The following GLDC variants were observed in gnomAD, a reference collection of about 807,000 sequenced individuals.
GLDC encodes the protein glycine decarboxylase.
GLDC carries 104 observed loss-of-function variants against 121.3 expected under a neutral mutation model. That is an observed-to-expected ratio of 0.86 (90% CI 0.73 to 1.01). GLDC has a LOEUF of 1.01. Ranked by LOEUF, GLDC falls within the 50% of genes least tolerant of loss-of-function variation. The pLI is 0.00. For synonymous variants in GLDC, 546 were observed against 480.6 expected, an observed-to-expected ratio of 1.14 and a Z score of -1.78; for missense variants, 1,429 against 1,306.6, an observed-to-expected ratio of 1.09 and a Z score of -1.44.
intron 15 of GLDC, among the ~76,000 whole-genome samples, chr9:6,585,626 CAG>C (rs1818254083): frequency 6.6e-6 from 1 of 152,092 alleles, no homozygotes; most frequent in Non-Finnish European, 1.5e-5. Flanking sequence ...TGTTACAAAA[CAG>C]AAGGTAGGGC....
At chr9:6,598,055 G>A (rs1436318773) in intron 8 of GLDC, among the ~76,000 whole-genome samples, 1 of 152,190 alleles carries the variant, frequency 6.6e-6, no homozygotes, top group East Asian at 1.9e-4. Context: ...TAGAGGTGGG[G>A]TCTGATTCTG....
intron 9 of GLDC, among the ~76,000 whole-genome samples, chr9:6,593,253 G>C (rs1587951385): frequency 6.7e-6 from 1 of 148,224 alleles, no homozygotes; most frequent in East Asian, 1.9e-4. Flanking sequence ...AGAAATGGGG[G>C]AGCAGGTAGT....
At chr9:6,626,700 CTCTCA>C (rs1392556753) in intron 2 of GLDC, among the ~76,000 whole-genome samples, 2 of 152,194 alleles carry the variant, frequency 1.3e-5, no homozygotes, top group Non-Finnish European at 2.9e-5. Flanking sequence ...AAAACCCATT[CTCTCA>C]TACCTCTCCG....
In GLDC at chr9:6,629,943, A is replaced by G. The variant is rs7046697; in HGVS notation, c.335-9624T>C. ...CTTGCTTTTCACTATATATATATAT[A>G]TGTATATATATATATTTTTTTTTTT... On this transcript the variant is annotated intron_variant, in intron 2 of 24. Coordinates refer to ENST00000321612, the MANE Select transcript of GLDC (RefSeq NM_000170.3). Among the ~76,000 whole-genome samples the G allele has an allele frequency of 1.8e-3, 143 of 80,554 alleles. 9 individuals carry two copies. The highest frequency in any genetic ancestry group is 8.3e-3 in the African/African-American group (101 of 12,226). The allele number at this position is 80,554 out of a possible 152,430, so 52.8% of individuals were successfully genotyped here.
At chr9:6,644,540 C>G (rs890685191) in intron 2 of GLDC, 74 bp downstream of exon 2, 2 of 1,029,740 alleles carry the variant, frequency 1.9e-6, no homozygotes, top group South Asian at 2.5e-5. Context: ...CCCCAGAGCT[C>G]GATTTTCAGG....
Position 6,533,077 on chromosome 9 carries a change from G to C in GLDC, c.3003C>G (p.Thr1001=). The C allele has an allele frequency of 6.2e-7, 1 of 1,611,432 alleles. No homozygotes were observed. The highest frequency in any genetic ancestry group is 8.5e-7 in the Non-Finnish European group (1 of 1,177,556). Reference sequence around the variant, plus strand: ...ACTCATAAACTTCCATGGGTGGGCAGGTACAAACCAGGTGCTGATCTCCAT... The same window carrying C: ...ACTCATAAACTTCCATGGGTGGGCACGTACAAACCAGGTGCTGATCTCCAT... ...DIYGDQHLVC[T]CPPMEVYESP... Residue 1001 remains threonine, a synonymous_variant, in exon 25 of 25, where the codon ACC becomes ACG. Transcript: ENST00000321612.
At chr9:6,585,291 A>G (rs59251349) in intron 15 of GLDC, among the ~76,000 whole-genome samples, 1 of 152,330 alleles carries the variant, frequency 6.6e-6, no homozygotes, top group African/African-American at 2.4e-5. Flanking sequence ...ACTCTCCAAT[A>G]TGACAGTGAA....
intron 15 of GLDC, among the ~76,000 whole-genome samples, chr9:6,585,630 A>C (rs1440830179): frequency 6.6e-6 from 1 of 152,164 alleles, no homozygotes; most frequent in Non-Finnish European, 1.5e-5. Context: ...ACAAAACAGA[A>C]GGTAGGGCAT....
chr9:6,564,648 C>A (rs890028535), intron 16 of GLDC, among the ~76,000 whole-genome samples: 1 of 152,230 alleles, frequency 6.6e-6, no homozygotes, highest in Admixed American at 6.5e-5. Context: ...CACTGGCCAT[C>A]AAAATGAAGG....
chr9:6,597,416 C>A (rs926944355), intron 8 of GLDC, among the ~76,000 whole-genome samples: 3 of 152,094 alleles, frequency 2.0e-5, no homozygotes, highest in African/African-American at 7.2e-5. Flanking sequence ...GTAAATTATT[C>A]TTTACTACAC....
chr9:6,557,452 G>C (rs1375331887), intron 17 of GLDC, among the ~76,000 whole-genome samples: 1 of 152,064 alleles, frequency 6.6e-6, no homozygotes, highest in Non-Finnish European at 1.5e-5. Flanking sequence ...AAAGTAGCTG[G>C]GCATGGTGGC....
intron 2 of GLDC, chr9:6,644,398 G>C: frequency 1.6e-6 from 1 of 607,654 alleles, no homozygotes; most frequent in Non-Finnish European, 2.9e-6. Context: ...ACCAAGAACC[G>C]CACAACACCG....
Position 6,592,959 on chromosome 9 carries a change from A to T in GLDC, c.1293T>A (p.His431Gln). 6.2e-7 allele frequency: 1 copy of T among 1,614,162 alleles called. No homozygotes were observed. The highest frequency in any genetic ancestry group is 1.7e-5 in the Admixed American group (1 of 60,030). The change falls in exon 10 of 25, where the codon CAT becomes CAA. Residue 431 changes from histidine (H) to glutamine (Q), a missense_variant. By Grantham distance (24) the His-to-Gln change is conservative. Transcript: ENST00000321612. ...GLKRAGHQLQ[H>Q]DLFFDTLKIQ... ...TCTTCAAGGTATCAAAGAACAGGTC[A>T]TGCTGGAGTTGATGCCCTGCTCGCT...
At chr9:6,620,901 C>T (rs1819078103) in intron 2 of GLDC, among the ~76,000 whole-genome samples, 2 of 152,220 alleles carry the variant, frequency 1.3e-5, no homozygotes, top group South Asian at 4.1e-4. Context: ...TGAACAGTGG[C>T]TCACACCTGC....
chr9:6,536,388 T>C, intron 22 of GLDC, 152 bp from the exon 23 acceptor site: 1 of 748,406 alleles, frequency 1.3e-6, no homozygotes, highest in South Asian at 1.6e-5. Context: ...CTCAGTGCTG[T>C]TCATAGAAGA....
At chr9:6,566,713 A>T (rs978124736) in intron 15 of GLDC, among the ~76,000 whole-genome samples, 1 of 152,258 alleles carries the variant, frequency 6.6e-6, no homozygotes, top group African/African-American at 2.4e-5. Flanking sequence ...TATCAGTCCC[A>T]TTCAAAATGT....
At position 6,602,704 on chromosome 9, in the gene GLDC, G is replaced by C. The variant is rs1030839285; in HGVS notation, c.1059-499C>G. Among the ~76,000 whole-genome samples, 4 of 152,228 alleles carry C rather than the reference G, an allele frequency of 2.6e-5. No individual in the cohort carries two copies. The East Asian group carries it at 7.7e-4, about 29-fold the overall frequency. On this transcript the variant is annotated intron_variant, in intron 7 of 24. Transcript: ENST00000321612. The stretch of plus-strand genomic sequence containing the variant: ...TGAGACACCAAGATATATACAATAA[G>C]TCTAGGAATTTTGAAAGAAAATTTT...
intron 3 of GLDC, among the ~76,000 whole-genome samples, chr9:6,615,997 G>C (rs867231714): frequency 6.6e-6 from 1 of 152,142 alleles, no homozygotes; most frequent in Non-Finnish European, 1.5e-5. Flanking sequence ...TCACCTGTGC[G>C]ATGATTGGGC....
intron 4 of GLDC, among the ~76,000 whole-genome samples, chr9:6,607,660 G>T (rs539662331): frequency 2.0e-5 from 3 of 151,648 alleles, no homozygotes; most frequent in Non-Finnish European, 4.4e-5. Context: ...TTTGGTGGGG[G>T]GAGAACAGGG....
Sources: allele counts gnomAD v4.1 joint callset (sites outside exome capture counted in the v4.1 genomes callset), GRCh38; gene constraint gnomAD v4.1.1; transcripts MANE v1.5; gene names NCBI Gene and HGNC (gene_info 2026-07-23, HGNC 2026-07-21).